Variants in CSMD1 observed in about 807,000 individuals in gnomAD.
CSMD1 encodes the protein CUB and Sushi multiple domains 1.
CSMD1 carries 213 observed loss-of-function variants against 417.5 expected under a neutral mutation model. The ratio of observed to expected loss-of-function variants is 0.51; its 90% CI spans 0.46 to 0.57. CSMD1 has a LOEUF of 0.57. CSMD1 is among the 20% of genes least tolerant of loss of function. CSMD1 has a pLI of 0.00. For missense variants in CSMD1, 6,923 were observed against 4,529.7 expected, an observed-to-expected ratio of 1.53 and a Z score of -15.17; for synonymous variants, 2,862 against 1,736.8, an observed-to-expected ratio of 1.65 and a Z score of -16.11.
intron 10 of CSMD1, among the ~76,000 whole-genome samples, chr8:3,498,384 C>CT (rs1436736899): frequency 6.6e-6 from 1 of 152,058 alleles, no homozygotes; most frequent in Non-Finnish European, 1.5e-5. Flanking sequence ...ATAATTTTTT[C>CT]TTTTTTCTTT....
chr8:3,713,291 T>C (rs1416298072), intron 6 of CSMD1, among the ~76,000 whole-genome samples: 1 of 152,212 alleles, frequency 6.6e-6, no homozygotes. Context: ...TCACTTTCTG[T>C]AGGTTGTTTG....
chr8:3,984,714 T>TC (rs1406114853), intron 5 of CSMD1, among the ~76,000 whole-genome samples: 60 of 39,572 alleles, frequency 1.5e-3, no homozygotes, highest in African/African-American at 2.7e-3. Context: ...CATATATATA[T>TC]ATATATATAT....
At chr8:3,695,707 A>G (rs1321917655) in intron 7 of CSMD1, among the ~76,000 whole-genome samples, 1 of 152,226 alleles carries the variant, frequency 6.6e-6, no homozygotes, top group Non-Finnish European at 1.5e-5. Context: ...AAAAGTTACT[A>G]AAACAGCAGT....
chr8:3,814,920 C>G lies in CSMD1; in HGVS notation c.819-60878G>C, dbSNP rs373976973. ...AAATAAATGACTTTAAAAACCGACA[C>G]TCTCATTACTTCTGAAGTCAGCCAT... On this transcript the variant is annotated intron_variant, in intron 5 of 69. Coordinates refer to ENST00000635120, the MANE Select transcript of CSMD1 (RefSeq NM_033225.6). Among the ~76,000 whole-genome samples the G allele has an allele frequency of 7.2e-5, 11 of 152,252 alleles. No individual in the cohort carries two copies. In the East Asian group the frequency reaches 9.7e-4, roughly 13 times the overall value.
At chr8:3,668,614 T>C (rs767349801) in intron 7 of CSMD1, among the ~76,000 whole-genome samples, 1 of 151,958 alleles carries the variant, frequency 6.6e-6, no homozygotes, top group Non-Finnish European at 1.5e-5. Flanking sequence ...GACGAAGCCC[T>C]GGGGAGAAGA....
intron 3 of CSMD1, among the ~76,000 whole-genome samples, chr8:4,347,416 ATTAC>A (rs1800835454): frequency 6.6e-6 from 1 of 152,276 alleles, no homozygotes; most frequent in African/African-American, 2.4e-5. Context: ...AATAGGTAAC[ATTAC>A]TTAAATATTT....
chr8:4,263,428 C>T (rs1156773038), intron 3 of CSMD1, among the ~76,000 whole-genome samples: 1 of 152,158 alleles, frequency 6.6e-6, no homozygotes. Context: ...ACAAAAACAT[C>T]GTATGGGACT....
intron 1 of CSMD1, among the ~76,000 whole-genome samples, chr8:4,676,282 A>AT (rs1027525736): frequency 2.0e-5 from 3 of 152,234 alleles, no homozygotes; most frequent in Admixed American, 1.3e-4. Flanking sequence ...ATATATTAAG[A>AT]TAAATTAGCC....
intron 5 of CSMD1, among the ~76,000 whole-genome samples, chr8:3,970,712 T>G (rs754825091): frequency 6.6e-6 from 1 of 152,114 alleles, no homozygotes; most frequent in African/African-American, 2.4e-5. Context: ...ATGAATGAGG[T>G]GCACCTCTGC....
In CSMD1 at chr8:3,777,615, C is replaced by G. The variant is rs548778138; in HGVS notation, c.819-23573G>C. Reference sequence around the variant, plus strand: ...AGCAGTCTCAGAATGAGATGCCTCCCCCACCAGCATCCCAACCAGCAACAA... The same window carrying G: ...AGCAGTCTCAGAATGAGATGCCTCCGCCACCAGCATCCCAACCAGCAACAA... On this transcript the variant is annotated intron_variant, in intron 5 of 69. Transcript: ENST00000635120. 1.1e-3 allele frequency among the ~76,000 whole-genome samples: 162 copies of G among 152,306 alleles called. 2 individuals are homozygous for G. The highest frequency in any genetic ancestry group is 3.8e-3 in the African/African-American group (156 of 41,576).
At chr8:4,984,168 C>T (rs767254162) in intron 1 of CSMD1, among the ~76,000 whole-genome samples, 1 of 152,180 alleles carries the variant, frequency 6.6e-6, no homozygotes, top group African/African-American at 2.4e-5. Flanking sequence ...GGTATTACAT[C>T]CTGGAGGTCA....
At chr8:4,535,942 T>C (rs542775124) in intron 2 of CSMD1, among the ~76,000 whole-genome samples, 1 of 152,308 alleles carries the variant, frequency 6.6e-6, no homozygotes, top group South Asian at 2.1e-4. Context: ...TTGAGAAACT[T>C]AGATCTTAAC....
At chr8:3,662,358 C>A (rs1798463049) in intron 7 of CSMD1, among the ~76,000 whole-genome samples, 1 of 152,162 alleles carries the variant, frequency 6.6e-6, no homozygotes, top group Non-Finnish European at 1.5e-5. Flanking sequence ...CTCCCCACTC[C>A]TCCTCTCCTT....
At chr8:4,273,460 C>A (rs951121851) in intron 3 of CSMD1, among the ~76,000 whole-genome samples, 10 of 152,114 alleles carry the variant, frequency 6.6e-5, no homozygotes, top group African/African-American at 2.2e-4. Flanking sequence ...GTTTCAGAAG[C>A]AAATTATAAT....
At chr8:3,815,104 G>C (rs141780328) in intron 5 of CSMD1, among the ~76,000 whole-genome samples, 1 of 152,148 alleles carries the variant, frequency 6.6e-6, no homozygotes, top group Non-Finnish European at 1.5e-5. Context: ...CATTTTTTCA[G>C]AAAATAATTA....
intron 1 of CSMD1, among the ~76,000 whole-genome samples, chr8:4,738,545 G>A (rs943193444): frequency 5.9e-5 from 9 of 152,018 alleles, no homozygotes; most frequent in African/African-American, 1.9e-4. Context: ...TCCCATAACA[G>A]GGGAACTACA....
chr8:4,196,250 G>C (rs745738762), intron 3 of CSMD1, among the ~76,000 whole-genome samples: 2 of 152,106 alleles, frequency 1.3e-5, no homozygotes, highest in Non-Finnish European at 1.5e-5. Flanking sequence ...ATAAACGTCT[G>C]CTGTGTCAAG....
At chr8:4,582,685 C>T (rs1054236513) in intron 2 of CSMD1, among the ~76,000 whole-genome samples, 2 of 152,222 alleles carry the variant, frequency 1.3e-5, no homozygotes, top group African/African-American at 2.4e-5. Context: ...CCAGCCCTCG[C>T]TCGCTCTCGG....
At chr8:3,611,872 T>C (rs1414340640) in intron 8 of CSMD1, among the ~76,000 whole-genome samples, 1 of 152,054 alleles carries the variant, frequency 6.6e-6, no homozygotes. Context: ...CCAATAAATT[T>C]TGATGTAAGA....
Sources: allele counts gnomAD v4.1 joint callset (sites outside exome capture counted in the v4.1 genomes callset), GRCh38; gene constraint gnomAD v4.1.1; transcripts MANE v1.5; gene names NCBI Gene and HGNC (gene_info 2026-07-23, HGNC 2026-07-21).